Variants in PPFIA4 observed in about 807,000 individuals in gnomAD.
PPFIA4 encodes the protein PPFI scaffold protein A4.
Under a neutral mutation model 145.7 loss-of-function variants are expected in PPFIA4, and 98 were observed. The observed-to-expected ratio is 0.67, with a 90% CI of 0.57 to 0.80. PPFIA4 has a LOEUF of 0.80. PPFIA4 is among the 30% of genes least tolerant of loss of function. PPFIA4 has a pLI of 0.00. For missense variants in PPFIA4, 1,457 were observed against 1,632.7 expected (o/e 0.89, Z 1.85); for synonymous variants, 628 against 649.6 (o/e 0.97, Z 0.51).
At chr1:203,051,464 A>G (rs1660499910) in intron 13 of PPFIA4, 1 of 671,114 alleles carries the variant, frequency 1.5e-6, no homozygotes, top group African/African-American at 1.9e-5. Flanking sequence ...GGGGAGCTCA[A>G]CTTTTTAAAA....
chr1:203,049,818 G>C, intron 13 of PPFIA4, 51 bp downstream of exon 13: 1 of 1,412,510 alleles, frequency 7.1e-7, no homozygotes, highest in Non-Finnish European at 9.4e-7. Context: ...CTGATGGACC[G>C]TGAGGAAGGA....
chr1:203,061,616 C>A, intron 23 of PPFIA4, 36 bp from the exon 24 acceptor site: 1 of 1,547,474 alleles, frequency 6.5e-7, no homozygotes, highest in South Asian at 1.2e-5. Context: ...TTGACTTTGC[C>A]TGTTTCCCCT....
chr1:203,074,452 T>A (rs1662380013), intron 28 of PPFIA4, among the ~76,000 whole-genome samples: 1 of 151,888 alleles, frequency 6.6e-6, no homozygotes, highest in South Asian at 2.1e-4. Flanking sequence ...GACTGAAACA[T>A]TATGTGGTGC....
intron 25 of PPFIA4, among the ~76,000 whole-genome samples, chr1:203,066,519 A>C (rs1661740961): frequency 6.6e-6 from 1 of 152,204 alleles, no homozygotes; most frequent in African/African-American, 2.4e-5. Context: ...GAAGAACACT[A>C]CAGCTCTTCC....
Position 203,076,465 on chromosome 1 carries a change from C to A in PPFIA4, c.*75C>A. 7.2e-7 allele frequency: 1 copy of A among 1,398,490 alleles called. No individual in the cohort carries two copies. Among genetic ancestry groups the A allele is most frequent in the South Asian group, 1.2e-5 (1 of 86,330 alleles). 86.6% of individuals were successfully genotyped at this position (1,398,490 alleles called of 1,614,324 possible). ...TGGCCCTGACCCCTCTTGCTCGTTC[C>A]CCTTCCTTCCGCAGCTCCTAGTCTC... is the stretch of plus-strand genomic sequence containing the variant. On this transcript the variant is annotated 3_prime_UTR_variant, in exon 30 of 30. Coordinates refer to ENST00000295706, the MANE Select transcript of PPFIA4 (RefSeq NM_001304331.2).
rs1348109461 is a variant in PPFIA4 at position 203,078,088 on chromosome 1, C to T, written c.*1698C>T. The T allele has an allele frequency of 6.6e-6, 1 of 152,260 alleles. No homozygotes were observed. The highest frequency in any genetic ancestry group is 1.5e-5 in the Non-Finnish European group (1 of 68,062). The allele number at this position is 152,260 out of a possible 1,614,324, so 9.4% of individuals were successfully genotyped here. A position where few individuals can be genotyped will look rare whatever the true frequency, so the allele number is the denominator to read the frequency against. On this transcript the variant is annotated 3_prime_UTR_variant, in exon 30 of 30. Transcript: ENST00000295706. Reference sequence around the variant, plus strand: ...TTTTCGGTAGAGGAGAGGCCCATCACTGGTGTGGTGGGGTGGGCTCTCCCT... The same window carrying T: ...TTTTCGGTAGAGGAGAGGCCCATCATTGGTGTGGTGGGGTGGGCTCTCCCT...
chr1:203,050,737 A>G (rs910190404), intron 13 of PPFIA4, among the ~76,000 whole-genome samples: 6 of 152,146 alleles, frequency 3.9e-5, no homozygotes, highest in African/African-American at 1.4e-4. Context: ...ATTATTGTAT[A>G]TGGGTATGAA....
intron 28 of PPFIA4, among the ~76,000 whole-genome samples, chr1:203,072,372 T>C (rs1662233547): frequency 6.6e-6 from 1 of 152,252 alleles, no homozygotes; most frequent in Non-Finnish European, 1.5e-5. Flanking sequence ...TCTGCCCTCC[T>C]GGTCACTGAA....
Position 203,067,728 on chromosome 1 carries a change from GA to G in PPFIA4, c.3085del (p.Arg1029GlyfsTer2). ...TTCAGTATGGCATCATGTGTCTGAA[GA>G]GGCTGAATTATGACCGGAAGGAGCT... ...SLQYGIMCLK[R>X]LNYDRKELEK... On this transcript the variant is annotated frameshift_variant, in exon 26 of 30. Coordinates refer to ENST00000295706, the MANE Select transcript of PPFIA4 (RefSeq NM_001304331.2). LOFTEE classifies it high-confidence loss of function. The G allele has an allele frequency of 6.2e-7, 1 of 1,613,928 alleles. No homozygotes were observed. Among genetic ancestry groups the G allele is most frequent in the Non-Finnish European group, 8.5e-7 (1 of 1,179,862 alleles).
At chr1:203,064,296 C>T (rs1661585616) in intron 25 of PPFIA4, among the ~76,000 whole-genome samples, 1 of 152,166 alleles carries the variant, frequency 6.6e-6, no homozygotes, top group Non-Finnish European at 1.5e-5. Flanking sequence ...TGAGATTTTT[C>T]CCCAGGTCTG....
chr1:203,034,609 C>T (rs1161619579), intron 1 of PPFIA4: 1 of 456,544 alleles, frequency 2.2e-6, no homozygotes, highest in South Asian at 1.5e-5. Context: ...CAGCTAGGGG[C>T]TGGGAGCAGA....
chr1:203,056,236 C>G (rs1346018854), intron 17 of PPFIA4, 81 bp downstream of exon 17: 1 of 1,606,716 alleles, frequency 6.2e-7, no homozygotes, highest in Non-Finnish European at 8.5e-7. Context: ...CCCCAGGGCC[C>G]TTGAGTCTGA....
In PPFIA4 at chr1:203,060,562, G is replaced by A; in HGVS notation, c.2784+145G>A. On this transcript the variant is annotated intron_variant, in intron 22 of 29. Transcript: ENST00000295706. This position sits in a 1 kb window ranked among gnomAD's most constrained non-coding sequence, Gnocchi z 4.8. Reference sequence around the variant, plus strand: ...CACAAAGGGCTCTCCCTGGTCTTCAGGAGGATATGATGTTGATTCTAGGAG... The same window carrying A: ...CACAAAGGGCTCTCCCTGGTCTTCAAGAGGATATGATGTTGATTCTAGGAG... 2.3e-6 allele frequency: 2 copies of A among 869,504 alleles called. No individual in the cohort carries two copies. The highest frequency in any genetic ancestry group is 2.6e-5 in the East Asian group (1 of 38,484). The allele number at this position is 869,504 out of a possible 1,614,324, so 53.9% of individuals were successfully genotyped here.
Position 203,075,725 on chromosome 1 carries a change from C to G in PPFIA4, c.3542C>G (p.Pro1181Arg), listed in dbSNP as rs770241623. ...RVSTLGTLQP[P>R]PAPPKKIMPE... ...TCCACCCTGGGGACCCTGCAGCCCCCACCGGCCCCGCCAAAGAAGATCATG... is the reference window on the plus strand; with the variant it reads ...TCCACCCTGGGGACCCTGCAGCCCCGACCGGCCCCGCCAAAGAAGATCATG... The change falls in exon 29 of 30, where the codon CCA becomes CGA. Residue 1181 changes from proline (P) to arginine (R), a missense_variant. This residue lies in a region of PPFIA4 where 146 missense variants were observed against 126.2 expected (regional missense o/e 1.16). Transcript: ENST00000295706. This position sits in a 1 kb window ranked among gnomAD's most constrained non-coding sequence, Gnocchi z 4.1. 2 of 1,390,032 alleles carry G rather than the reference C, an allele frequency of 1.4e-6. No individual in the cohort carries two copies. The highest frequency in any genetic ancestry group is 1.5e-5 in the African/African-American group (1 of 66,274). 86.1% of individuals were successfully genotyped at this position (1,390,032 alleles called of 1,614,324 possible).
chr1:203,061,182 G>C, intron 23 of PPFIA4, 150 bp downstream of exon 23: 2 of 774,068 alleles, frequency 2.6e-6, no homozygotes, highest in South Asian at 1.6e-5. Context: ...CTGTCACGGT[G>C]GAGGGTTGTC....
chr1:203,062,678 G>A (rs1182651149), intron 24 of PPFIA4, among the ~76,000 whole-genome samples: 1 of 152,000 alleles, frequency 6.6e-6, no homozygotes, highest in Non-Finnish European at 1.5e-5. Flanking sequence ...TGATGGGTCG[G>A]GGGGGATCCG....
chr1:203,076,697 C>G lies in PPFIA4; in HGVS notation c.*307C>G, dbSNP rs543004043. ...AGCTCAGGGTGGATGTGAAGCCACC[C>G]TTCCTCTTCTGGACCCAGCCTGGTC... On this transcript the variant is annotated 3_prime_UTR_variant, in exon 30 of 30. Coordinates refer to ENST00000295706, the MANE Select transcript of PPFIA4 (RefSeq NM_001304331.2). The G allele has an allele frequency of 3.3e-5, 15 of 456,940 alleles. No homozygotes were observed. The highest frequency in any genetic ancestry group is 2.8e-4 in the African/African-American group (14 of 50,504). 28.3% of individuals were successfully genotyped at this position (456,940 alleles called of 1,614,324 possible).
In PPFIA4 at chr1:203,068,326, A is replaced by C; in HGVS notation, c.3149-127A>C. 1 of 792,390 alleles carries C rather than the reference A, an allele frequency of 1.3e-6. No homozygotes were observed. Among genetic ancestry groups the C allele is most frequent in the South Asian group, 2.3e-5 (1 of 43,408 alleles). The allele number at this position is 792,390 out of a possible 1,614,324, so 49.1% of individuals were successfully genotyped here. ...AGAAAGAAGATATGGAAATTTAGGGATGGAGTGGGGGTCAGAGAGCAGGGT... is the reference window on the plus strand; with the variant it reads ...AGAAAGAAGATATGGAAATTTAGGGCTGGAGTGGGGGTCAGAGAGCAGGGT... On this transcript the variant is annotated intron_variant, in intron 26 of 29. Transcript: ENST00000295706. The surrounding 1 kb of genome is among the most constrained non-coding windows in gnomAD (Gnocchi z 4.7).
chr1:203,035,576 C>T (rs1428551304), intron 1 of PPFIA4: 2 of 456,892 alleles, frequency 4.4e-6, no homozygotes, highest in South Asian at 3.1e-5. Context: ...ACACTCCTCC[C>T]CGGCAAAGCC....
Sources: allele counts gnomAD v4.1 joint callset (sites outside exome capture counted in the v4.1 genomes callset), GRCh38; gene constraint gnomAD v4.1.1; regional missense constraint gnomAD v4.1.1; non-coding constraint Gnocchi (gnomAD v3.1); transcripts MANE v1.5; gene names NCBI Gene and HGNC (gene_info 2026-07-23, HGNC 2026-07-21).